Variants in MSH3 observed in about 807,000 individuals in gnomAD.
MSH3 encodes mutS homolog 3.
A neutral mutation model predicts 123.3 loss-of-function variants in MSH3; 106 were observed. The observed-to-expected ratio is 0.86, with a 90% CI of 0.73 to 1.01. The LOEUF is 1.01. Among genes scored for constraint, MSH3 ranks in the 50% least tolerant of loss-of-function variants. The probability of loss-of-function intolerance (pLI) is 0.00; values close to 1 mark genes in which losing one functional copy is unlikely to be tolerated. For synonymous variants in MSH3, 515 were observed against 481.4 expected, an observed-to-expected ratio of 1.07 and a Z score of -0.91; for missense variants, 1,459 against 1,347.6, an observed-to-expected ratio of 1.08 and a Z score of -1.29.
At chr5:80,813,551 G>A in intron 19 of MSH3, 33 bp from the exon 20 acceptor site, 1 of 1,612,668 alleles carries the variant, frequency 6.2e-7, no homozygotes, top group Non-Finnish European at 8.5e-7. Context: ...AACTTTTCTG[G>A]TACAATAAGT....
chr5:80,680,775 C>G (rs552995869), intron 8 of MSH3, among the ~76,000 whole-genome samples: 6 of 152,104 alleles, frequency 3.9e-5, no homozygotes, highest in Non-Finnish European at 5.9e-5. Flanking sequence ...TGAAGCAAAT[C>G]CTAGGGAGCA....
chr5:80,655,119 G>T (rs1026711647), intron 1 of MSH3, 155 bp downstream of exon 1: 21 of 523,672 alleles, frequency 4.0e-5, no homozygotes, highest in African/African-American at 4.0e-4. Flanking sequence ...CCCAGCCGGG[G>T]CTACAAATTG....
intron 8 of MSH3, among the ~76,000 whole-genome samples, chr5:80,711,167 C>G (rs1258672165): frequency 2.0e-5 from 3 of 152,234 alleles, no homozygotes. Flanking sequence ...CCTCCTGTCT[C>G]TCTTAGCCTT....
chr5:80,771,477 C>CAAA (rs61460666), intron 15 of MSH3, among the ~76,000 whole-genome samples: 5 of 99,518 alleles, frequency 5.0e-5, no homozygotes, highest in South Asian at 3.3e-4. Flanking sequence ...AACCCTGTCT[C>CAAA]AAAAAAAAAA....
intron 8 of MSH3, among the ~76,000 whole-genome samples, chr5:80,711,468 T>A (rs1750855587): frequency 6.6e-6 from 1 of 152,160 alleles, no homozygotes; most frequent in African/African-American, 2.4e-5. Context: ...GTCTTCCTGT[T>A]GGCTCATTCC....
intron 20 of MSH3, among the ~76,000 whole-genome samples, chr5:80,829,170 T>A (rs1745376781): frequency 6.6e-6 from 1 of 152,218 alleles, no homozygotes. Flanking sequence ...CATTGGAGAT[T>A]AAGTTTCAAC....
intron 2 of MSH3, among the ~76,000 whole-genome samples, chr5:80,660,145 A>C (rs1019136351): frequency 6.6e-6 from 1 of 152,156 alleles, no homozygotes. Flanking sequence ...TTACAGTTCC[A>C]CATGGCTGGG....
chr5:80,800,004 G>C (rs1744765463), intron 19 of MSH3, among the ~76,000 whole-genome samples: 1 of 152,182 alleles, frequency 6.6e-6, no homozygotes, highest in Admixed American at 6.5e-5. Context: ...CCCCACAGAA[G>C]TTGACATTCT....
chr5:80,670,421 C>G (rs1749678705), intron 4 of MSH3, 112 bp downstream of exon 4: 4 of 1,117,978 alleles, frequency 3.6e-6, no homozygotes, highest in Non-Finnish European at 5.3e-6. Flanking sequence ...TGATCAATCA[C>G]CTTTTAAAAA....
At chr5:80,790,424 T>A (rs141100847) in intron 18 of MSH3, among the ~76,000 whole-genome samples, 33 of 152,342 alleles carry the variant, frequency 2.2e-4, no homozygotes, top group African/African-American at 7.7e-4. Context: ...GTGGGTTTAT[T>A]GGATTGTTTT....
intron 10 of MSH3, among the ~76,000 whole-genome samples, chr5:80,736,586 C>A (rs1349577562): frequency 3.9e-5 from 6 of 152,068 alleles, no homozygotes; most frequent in Admixed American, 2.0e-4. Context: ...GAGTTTTCAC[C>A]ATTTCGTGAT....
intron 2 of MSH3, among the ~76,000 whole-genome samples, chr5:80,660,813 A>C (rs1201201320): frequency 6.6e-6 from 1 of 151,944 alleles, no homozygotes; most frequent in Non-Finnish European, 1.5e-5. Context: ...TTTCCCCCAC[A>C]CCCGAGACAG....
chr5:80,843,996 G>A (rs13186354), intron 20 of MSH3, among the ~76,000 whole-genome samples: 21,373 of 151,464 alleles, frequency 0.14, 1,536 homozygotes, highest in East Asian at 0.24. Context: ...ATGTTAAGGT[G>A]TCGATTTTAG....
At chr5:80,702,870 C>T (rs148530324) in intron 8 of MSH3, among the ~76,000 whole-genome samples, 204 of 152,066 alleles carry the variant, frequency 1.3e-3, no homozygotes, top group Non-Finnish European at 2.4e-3. Context: ...AAATTAGCTG[C>T]GCATGATGGC....
intron 18 of MSH3, among the ~76,000 whole-genome samples, chr5:80,791,374 A>G (rs961522461): frequency 4.6e-5 from 7 of 152,212 alleles, no homozygotes; most frequent in African/African-American, 1.7e-4. Flanking sequence ...TACAAATGTG[A>G]AAAGAATCAG....
intron 20 of MSH3, among the ~76,000 whole-genome samples, chr5:80,847,698 C>T (rs2112098858): frequency 6.6e-6 from 1 of 152,272 alleles, no homozygotes; most frequent in South Asian, 2.1e-4. Flanking sequence ...TCTTACTCAG[C>T]ATTTCATGAA....
intron 20 of MSH3, among the ~76,000 whole-genome samples, chr5:80,853,834 A>G (rs1398105553): frequency 6.6e-6 from 1 of 152,192 alleles, no homozygotes; most frequent in Non-Finnish European, 1.5e-5. Flanking sequence ...GTGAATACCA[A>G]AACTTTGATT....
At chr5:80,799,745 T>A (rs1238918147) in intron 19 of MSH3, among the ~76,000 whole-genome samples, 1 of 152,098 alleles carries the variant, frequency 6.6e-6, no homozygotes, top group Non-Finnish European at 1.5e-5. Context: ...TTGAGACATG[T>A]CAGAGGATGA....
At chr5:80,775,834 G>A (rs1324207698) in intron 16 of MSH3, 76 bp downstream of exon 16, 10 of 797,242 alleles carry the variant, frequency 1.3e-5, no homozygotes, top group South Asian at 4.5e-5. Flanking sequence ...TGGGCTCATC[G>A]TAGCCACATT....
Sources: allele counts gnomAD v4.1 joint callset (sites outside exome capture counted in the v4.1 genomes callset), GRCh38; gene constraint gnomAD v4.1.1; transcripts MANE v1.5; gene names NCBI Gene and HGNC (gene_info 2026-07-23, HGNC 2026-07-21).